Variants in ZRANB3 observed in about 807,000 individuals in gnomAD.
ZRANB3 encodes the protein DNA annealing helicase and endonuclease ZRANB3.
Under a neutral mutation model 133.8 loss-of-function variants are expected in ZRANB3, and 125 were observed. The ratio of observed to expected loss-of-function variants is 0.93; its 90% CI spans 0.81 to 1.08. The LOEUF (loss-of-function observed/expected upper bound fraction) is 1.08, where lower values mean the gene tolerates loss of function less well. Among genes scored for constraint, ZRANB3 ranks in the 50% least tolerant of loss-of-function variants. ZRANB3 has a pLI of 0.00. For synonymous variants in ZRANB3, 387 were observed against 432.7 expected, an observed-to-expected ratio of 0.89 and a Z score of 1.31; for missense variants, 1,229 against 1,275.5, an observed-to-expected ratio of 0.96 and a Z score of 0.56.
At chr2:135,478,894 T>G (rs1293774137) in intron 2 of ZRANB3, among the ~76,000 whole-genome samples, 1 of 151,838 alleles carries the variant, frequency 6.6e-6, no homozygotes, top group Non-Finnish European at 1.5e-5. Context: ...TGTATATATG[T>G]ATATTTTATG....
At chr2:135,457,120 T>A (rs1690556484) in intron 2 of ZRANB3, among the ~76,000 whole-genome samples, 1 of 152,216 alleles carries the variant, frequency 6.6e-6, no homozygotes, top group African/African-American at 2.4e-5. Context: ...CATGATGTTT[T>A]CAAGGTTCAT....
chr2:135,463,148 T>A (rs1690835277), intron 2 of ZRANB3, among the ~76,000 whole-genome samples: 2 of 152,120 alleles, frequency 1.3e-5, no homozygotes, highest in South Asian at 4.1e-4. Flanking sequence ...GGGAACACAG[T>A]GAGACTCTGA....
intron 2 of ZRANB3, among the ~76,000 whole-genome samples, chr2:135,429,837 A>G (rs1418689681): frequency 1.3e-5 from 2 of 152,242 alleles, no homozygotes; most frequent in Non-Finnish European, 2.9e-5. Flanking sequence ...TAAAACTCTG[A>G]TAAAAAACAA....
At chr2:135,429,185 T>C (rs1271239226) in intron 2 of ZRANB3, among the ~76,000 whole-genome samples, 4 of 152,118 alleles carry the variant, frequency 2.6e-5, no homozygotes, top group Non-Finnish European at 4.4e-5. Context: ...ACATATACAT[T>C]ATGCAATACT....
intron 2 of ZRANB3, among the ~76,000 whole-genome samples, chr2:135,422,685 A>C (rs1192623588): frequency 6.6e-6 from 1 of 152,202 alleles, no homozygotes; most frequent in East Asian, 1.9e-4. Flanking sequence ...AGCCCAGAAA[A>C]TGACAGAAAA....
intron 2 of ZRANB3, among the ~76,000 whole-genome samples, chr2:135,416,580 A>C (rs1025415833): frequency 5.9e-5 from 9 of 151,716 alleles, no homozygotes; most frequent in Non-Finnish European, 1.0e-4. Context: ...GCTACCAATG[A>C]CTTTCTTCAC....
intron 6 of ZRANB3, among the ~76,000 whole-genome samples, chr2:135,320,682 T>C (rs1023455783): frequency 6.6e-6 from 1 of 152,246 alleles, no homozygotes; most frequent in Admixed American, 6.5e-5. Flanking sequence ...CAAGAACATA[T>C]ATGCTTATCT....
At chr2:135,439,033 T>C (rs1480864828) in intron 2 of ZRANB3, among the ~76,000 whole-genome samples, 4 of 152,212 alleles carry the variant, frequency 2.6e-5, no homozygotes, top group African/African-American at 7.2e-5. Flanking sequence ...AATTATTTTG[T>C]ACGTTATATT....
intron 2 of ZRANB3, among the ~76,000 whole-genome samples, chr2:135,463,721 T>G (rs1243319035): frequency 6.6e-6 from 1 of 152,176 alleles, no homozygotes; most frequent in Admixed American, 6.6e-5. Context: ...CCAGTCACCT[T>G]TAGGTCTTAC....
rs1177438717 is a variant in ZRANB3 at position 135,245,926 on chromosome 2, C to CAAAAAAAAAAAAAAAA, written c.1540-15015_1540-15000dup. On this transcript the variant is annotated intron_variant, in intron 12 of 20. Coordinates refer to ENST00000264159, the MANE Select transcript of ZRANB3 (RefSeq NM_032143.4). ...GGGCAACGAGATTGAAACTCCGTCTCAAAAAAAAAAAAAAAAAAAAAAGAG... is the reference window on the plus strand; with the variant it reads ...GGGCAACGAGATTGAAACTCCGTCTCAAAAAAAAAAAAAAAAAAAAAAAAAAAAAAAAAAAAAAGAG... Among the ~76,000 whole-genome samples the CAAAAAAAAAAAAAAAA allele has an allele frequency of 9.7e-4, 19 of 19,550 alleles. 2 individuals are homozygous for CAAAAAAAAAAAAAAAA. The highest frequency in any genetic ancestry group is 3.1e-3 in the African/African-American group (11 of 3,508). The allele number at this position is 19,550 out of a possible 152,430, so 12.8% of individuals were successfully genotyped here. A position where few individuals can be genotyped will look rare whatever the true frequency, so the allele number is the denominator to read the frequency against.
chr2:135,468,027 T>C (rs1691075900), intron 2 of ZRANB3, among the ~76,000 whole-genome samples: 1 of 152,244 alleles, frequency 6.6e-6, no homozygotes, highest in South Asian at 2.1e-4. Context: ...CTTTATAAAG[T>C]TGGTAGATAA....
At chr2:135,300,102 A>T (rs1682356999) in intron 8 of ZRANB3, among the ~76,000 whole-genome samples, 1 of 151,996 alleles carries the variant, frequency 6.6e-6, no homozygotes, top group Non-Finnish European at 1.5e-5. Context: ...GAACAGTGTT[A>T]AAAAAAAGAA....
intron 2 of ZRANB3, among the ~76,000 whole-genome samples, chr2:135,490,120 T>C (rs1416063324): frequency 1.3e-5 from 2 of 152,170 alleles, no homozygotes; most frequent in Admixed American, 6.5e-5. Context: ...GACTAGTCTG[T>C]AGCAAACAGT....
intron 18 of ZRANB3, 73 bp from the exon 19 acceptor site, chr2:135,207,909 G>T (rs1031846697): frequency 4.3e-6 from 6 of 1,405,338 alleles, no homozygotes; most frequent in African/African-American, 2.9e-5. Context: ...TCATATAAAG[G>T]TTATCAAAGT....
chr2:135,287,488 T>C (rs190608287), intron 8 of ZRANB3, among the ~76,000 whole-genome samples: 2 of 152,272 alleles, frequency 1.3e-5, no homozygotes, highest in Admixed American at 6.5e-5. Flanking sequence ...GGGAATTGCA[T>C]TGAATTTGTT....
intron 17 of ZRANB3, among the ~76,000 whole-genome samples, chr2:135,213,157 T>C (rs1033336279): frequency 6.6e-6 from 1 of 151,960 alleles, no homozygotes. Context: ...AAGAGAGAAA[T>C]CCTCTAACGT....
At chr2:135,453,475 T>C (rs1690365056) in intron 2 of ZRANB3, among the ~76,000 whole-genome samples, 1 of 152,236 alleles carries the variant, frequency 6.6e-6, no homozygotes, top group Non-Finnish European at 1.5e-5. Flanking sequence ...TCTGTTTCCC[T>C]TTTAAAACGG....
intron 2 of ZRANB3, among the ~76,000 whole-genome samples, chr2:135,502,215 ACATCATG>A (rs2104820120): frequency 6.6e-6 from 1 of 152,268 alleles, no homozygotes; most frequent in East Asian, 1.9e-4. Context: ...TCCACTACTA[ACATCATG>A]CTTTCCGAAA....
chr2:135,512,053 C>T (rs1205159338), intron 1 of ZRANB3: 4 of 510,384 alleles, frequency 7.8e-6, no homozygotes, highest in Non-Finnish European at 1.4e-5. Context: ...GGCAGAAACC[C>T]CTCATGCAAC....
Sources: allele counts gnomAD v4.1 joint callset (sites outside exome capture counted in the v4.1 genomes callset), GRCh38; gene constraint gnomAD v4.1.1; transcripts MANE v1.5; gene names NCBI Gene and HGNC (gene_info 2026-07-23, HGNC 2026-07-21).